TFB2M: variants seen among roughly 807,000 people sequenced by gnomAD.
TFB2M encodes dimethyladenosine transferase 2, mitochondrial.
TFB2M carries 44 observed loss-of-function variants against 41.3 expected under a neutral mutation model. The ratio of observed to expected loss-of-function variants is 1.07; its 90% CI spans 0.84 to 1.37. The LOEUF (loss-of-function observed/expected upper bound fraction) is 1.37, where lower values mean the gene tolerates loss of function less well. Among genes scored for constraint, TFB2M ranks in the 40% most tolerant of loss-of-function variants. TFB2M has a pLI of 0.00. For missense variants in TFB2M, 496 were observed against 490.2 expected, an observed-to-expected ratio of 1.01 and a Z score of -0.11; for synonymous variants, 188 against 176.8, an observed-to-expected ratio of 1.06 and a Z score of -0.50.
chr1:246,556,655 G>C lies in TFB2M; in HGVS notation c.623C>G (p.Ala208Gly). ...AGAAGTACAGGAATACAAGTCATAT[G>C]CGAGTTTCCAAAGTGCCCTTTTCTC... ...RGEKRALWKL[A>G]YDLYSCTSIY... The change falls in exon 4 of 8, where the codon GCA becomes GGA. Residue 208 changes from alanine (A) to glycine (G), a missense_variant. Transcript: ENST00000366514. 4 of 1,582,032 alleles carry C rather than the reference G, an allele frequency of 2.5e-6. No individual in the cohort carries two copies. Among genetic ancestry groups the C allele is most frequent in the Non-Finnish European group, 3.4e-6 (4 of 1,169,366 alleles).
intron 5 of TFB2M, among the ~76,000 whole-genome samples, chr1:246,550,184 T>C (rs1406052663): frequency 1.3e-5 from 2 of 152,200 alleles, no homozygotes; most frequent in Non-Finnish European, 2.9e-5. Flanking sequence ...AGCTGAAAGC[T>C]ACCAGGACAG....
At chr1:246,548,104 A>ATG (rs1659072605) in intron 6 of TFB2M, among the ~76,000 whole-genome samples, 2 of 152,066 alleles carry the variant, frequency 1.3e-5, no homozygotes, top group Non-Finnish European at 2.9e-5. Context: ...GCGCCACCAC[A>ATG]CCCAGCTAAG....
intron 2 of TFB2M, among the ~76,000 whole-genome samples, chr1:246,562,378 A>G (rs1046436574): frequency 6.6e-6 from 1 of 152,260 alleles, no homozygotes; most frequent in Non-Finnish European, 1.5e-5. Context: ...TAAGAAGCAC[A>G]ATCACTGAAA....
chr1:246,543,445 G>C (rs1658915223), intron 7 of TFB2M, among the ~76,000 whole-genome samples: 1 of 152,166 alleles, frequency 6.6e-6, no homozygotes, highest in Non-Finnish European at 1.5e-5. Context: ...ACTACTTACA[G>C]AGATGTATGC....
intron 6 of TFB2M, among the ~76,000 whole-genome samples, chr1:246,546,388 C>A (rs3124122): frequency 7.9e-5 from 12 of 151,132 alleles, no homozygotes; most frequent in African/African-American, 2.9e-4. Context: ...CCAAGGTAGG[C>A]GGATCACCTG....
At chr1:246,549,044 T>C (rs1659097532) in intron 5 of TFB2M, among the ~76,000 whole-genome samples, 1 of 152,176 alleles carries the variant, frequency 6.6e-6, no homozygotes. Context: ...CAAATAAAGA[T>C]ACTAGTGTCG....
chr1:246,549,125 T>C (rs1572086371), intron 5 of TFB2M, among the ~76,000 whole-genome samples: 2 of 151,120 alleles, frequency 1.3e-5, no homozygotes, highest in East Asian at 2.0e-4. Flanking sequence ...TGCTTGAGCC[T>C]GGGAGCTGGA....
chr1:246,557,611 T>A, intron 2 of TFB2M, 77 bp from the exon 3 acceptor site: 3 of 1,148,622 alleles, frequency 2.6e-6, no homozygotes, highest in Non-Finnish European at 3.6e-6. Context: ...AAACTCTACT[T>A]CAAAAAACCA....
In TFB2M at chr1:246,551,185, C is replaced by T. The variant is rs73148070; in HGVS notation, c.795+28G>A. ...ATGAGACCCTGTCGCTAAAGAAAAA[C>T]GTTTTTAAACAGAAGGATTTTACTC... On this transcript the variant is annotated intron_variant, in intron 5 of 7. Transcript: ENST00000366514. 3,890 of 1,578,738 alleles carry T rather than the reference C, an allele frequency of 2.5e-3. 88 individuals are homozygous for T. In the African/African-American group the frequency reaches 0.045, roughly 18 times the overall value.
At chr1:246,546,034 C>T (rs879728209) in intron 6 of TFB2M, among the ~76,000 whole-genome samples, 2 of 151,990 alleles carry the variant, frequency 1.3e-5, no homozygotes, top group Non-Finnish European at 2.9e-5. Flanking sequence ...AAATCCCAGA[C>T]ATGAGGCCGG....
chr1:246,554,196 A>C lies in TFB2M; in HGVS notation c.705+2377T>G, dbSNP rs138765843. On this transcript the variant is annotated intron_variant, in intron 4 of 7. Coordinates refer to ENST00000366514, the MANE Select transcript of TFB2M (RefSeq NM_022366.3). Reference sequence around the variant, plus strand: ...TTACTGAAAATGGATCAAAGACCTAAACAAGAGCCAAAACTATAAAACTCT... The same window carrying C: ...TTACTGAAAATGGATCAAAGACCTACACAAGAGCCAAAACTATAAAACTCT... Among the ~76,000 whole-genome samples the C allele has an allele frequency of 7.1e-3, 1,075 of 152,334 alleles. 5 individuals carry two copies. Among genetic ancestry groups the C allele is most frequent in the Non-Finnish European group, 0.012 (791 of 68,030 alleles).
At chr1:246,558,275 C>T (rs1389615845) in intron 2 of TFB2M, among the ~76,000 whole-genome samples, 1 of 151,652 alleles carries the variant, frequency 6.6e-6, no homozygotes, top group East Asian at 1.9e-4. Flanking sequence ...GTCCCACAAG[C>T]AGCTAGGACT....
At chr1:246,556,745 A>C (rs758710115) in intron 3 of TFB2M, 24 bp from the exon 4 acceptor site, 1 of 1,530,884 alleles carries the variant, frequency 6.5e-7, no homozygotes, top group Non-Finnish European at 8.7e-7. Flanking sequence ...AAGCAAAAAG[A>C]TTTGAATAAA....
chr1:246,560,352 T>C (rs553654912), intron 2 of TFB2M, among the ~76,000 whole-genome samples: 42 of 152,286 alleles, frequency 2.8e-4, no homozygotes, highest in African/African-American at 1.0e-3. Flanking sequence ...CAAAACCCTG[T>C]CTCTACTAAT....
At chr1:246,546,998 T>C (rs570158116) in intron 6 of TFB2M, among the ~76,000 whole-genome samples, 183 of 140,750 alleles carry the variant, frequency 1.3e-3, no homozygotes, top group African/African-American at 5.5e-3. Flanking sequence ...TTTTTTTTTT[T>C]TTTGAGACAA....
At chr1:246,558,066 T>G (rs1042297841) in intron 2 of TFB2M, among the ~76,000 whole-genome samples, 1 of 151,940 alleles carries the variant, frequency 6.6e-6, no homozygotes, top group Non-Finnish European at 1.5e-5. Flanking sequence ...AAAAATCAAT[T>G]AATACCTGAA....
intron 4 of TFB2M, among the ~76,000 whole-genome samples, 172 bp from the exon 5 acceptor site, chr1:246,551,474 C>T (rs1056641664): frequency 1.1e-4 from 17 of 152,150 alleles, no homozygotes; most frequent in Admixed American, 9.2e-4. Context: ...CCCAGCTACT[C>T]GAAAGGCTGA....
At chr1:246,542,761 T>G (rs1294720710) in intron 7 of TFB2M, among the ~76,000 whole-genome samples, 3 of 152,324 alleles carry the variant, frequency 2.0e-5, no homozygotes, top group South Asian at 4.1e-4. Context: ...TTTAATATTT[T>G]GCACTATGAT....
In TFB2M at chr1:246,553,337, T is replaced by A. The variant is rs115412420; in HGVS notation, c.706-2035A>T. Reference sequence around the variant, plus strand: ...ATTCGAAAAACAATTCCATTTACAATAGCACCAAAAGTAACTTAAAAGCTA... The same window carrying A: ...ATTCGAAAAACAATTCCATTTACAAAAGCACCAAAAGTAACTTAAAAGCTA... On this transcript the variant is annotated intron_variant, in intron 4 of 7. Coordinates refer to ENST00000366514, the MANE Select transcript of TFB2M (RefSeq NM_022366.3). 8.9e-3 allele frequency among the ~76,000 whole-genome samples: 1,348 copies of A among 152,226 alleles called. 13 individuals carry two copies. The highest frequency in any genetic ancestry group is 0.024 in the Middle Eastern group (7 of 292).
Sources: gnomAD v4.1 joint callset for allele counts (sites outside exome capture counted in the v4.1 genomes callset) on GRCh38, gnomAD v4.1.1 for gene constraint, MANE v1.5 for transcripts, NCBI Gene and HGNC (gene_info 2026-07-23, HGNC 2026-07-21) for gene names.